The following ERG variants were observed in gnomAD, a reference collection of about 807,000 sequenced individuals.
The protein encoded by ERG is ETS transcription factor ERG.
ERG carries 9 observed loss-of-function variants against 55.3 expected under a neutral mutation model. The observed-to-expected ratio is 0.16, with a 90% CI of 0.10 to 0.28. The LOEUF is 0.28. Ranked by LOEUF, ERG falls within the 10% of genes least tolerant of loss-of-function variation. The pLI is 1.00. For synonymous variants in ERG, 223 were observed against 237.3 expected, an observed-to-expected ratio of 0.94 and a Z score of 0.55; for missense variants, 434 against 631.6, an observed-to-expected ratio of 0.69 and a Z score of 3.35.
intron 6 of ERG, chr21:38,399,882 A>T (rs1988406147): frequency 5.7e-6 from 1 of 176,890 alleles, no homozygotes; most frequent in Admixed American, 5.6e-5. Flanking sequence ...CTGGAGGCAA[A>T]ACATTTCGGT....
intron 1 of ERG, among the ~76,000 whole-genome samples, chr21:38,618,333 G>A (rs898882229): frequency 6.6e-6 from 1 of 152,158 alleles, no homozygotes; most frequent in African/African-American, 2.4e-5. Flanking sequence ...GGAAGATCAG[G>A]ATCATTAACC....
chr21:38,388,194 A>C (rs1401400154), intron 9 of ERG, among the ~76,000 whole-genome samples: 4 of 152,188 alleles, frequency 2.6e-5, no homozygotes, highest in Non-Finnish European at 5.9e-5. Flanking sequence ...AACATAACCC[A>C]CCAAAGCTCT....
intron 2 of ERG, among the ~76,000 whole-genome samples, chr21:38,519,648 G>A (rs11701364): frequency 0.11 from 17,162 of 152,246 alleles, 1,185 homozygotes; most frequent in East Asian, 0.19. Flanking sequence ...GAGAAGGATG[G>A]AGAATGAATT....
At chr21:38,606,694 TAACTG>T (rs2060198820) in intron 1 of ERG, among the ~76,000 whole-genome samples, 1 of 152,086 alleles carries the variant, frequency 6.6e-6, no homozygotes, top group East Asian at 1.9e-4. Flanking sequence ...AGAGCTGAAA[TAACTG>T]AAGACAAATT....
intron 2 of ERG, among the ~76,000 whole-genome samples, chr21:38,514,763 A>G (rs2059539285): frequency 6.6e-6 from 1 of 152,000 alleles, no homozygotes; most frequent in Admixed American, 6.5e-5. Context: ...GAAGGCAAGG[A>G]AATGAAATGC....
At chr21:38,574,557 A>G (rs2059983191) in intron 2 of ERG, among the ~76,000 whole-genome samples, 1 of 152,256 alleles carries the variant, frequency 6.6e-6, no homozygotes, top group South Asian at 2.1e-4. Context: ...ATGTGTGTGT[A>G]TGTGAGCTGC....
In ERG at chr21:38,571,968, A is replaced by G. The variant is rs138942980; in HGVS notation, c.-41+3694T>C. Among the ~76,000 whole-genome samples, 438 of 152,302 alleles carry G rather than the reference A, an allele frequency of 2.9e-3. 2 individuals are homozygous for G. Among genetic ancestry groups the G allele is most frequent in the Middle Eastern group, 6.8e-3 (2 of 294 alleles). On this transcript the variant is annotated intron_variant, in intron 2 of 8. Transcript: ENST00000398897. Reference sequence around the variant, plus strand: ...TGTGGAAAACTCAAGTCCTTCTCAGATAACAAAAACATTTTAGTAGCAATG... The same window carrying G: ...TGTGGAAAACTCAAGTCCTTCTCAGGTAACAAAAACATTTTAGTAGCAATG...
rs771621204 is a variant in ERG, at chr21:38,483,785, C to T, written c.18+14578G>A. Among the ~76,000 whole-genome samples the T allele has an allele frequency of 3.3e-5, 5 of 152,244 alleles. No individual in the cohort carries two copies. In the East Asian group the frequency reaches 5.8e-4, roughly 18 times the overall value. On this transcript the variant is annotated intron_variant, in intron 1 of 9. Coordinates refer to ENST00000288319, the MANE Select transcript of ERG (RefSeq NM_182918.4). ...GGCTGAGGCAGGGGAATCTCTTGAA[C>T]CCCGGGAGAGGGTGGAGGTTGCAGT...
chr21:38,493,534 T>G (rs2059354747), intron 1 of ERG, among the ~76,000 whole-genome samples: 1 of 152,240 alleles, frequency 6.6e-6, no homozygotes, highest in South Asian at 2.1e-4. Context: ...TTTTTATGTT[T>G]ATAATTTATG....
At chr21:38,636,056 C>T (rs1460451174) in intron 1 of ERG, among the ~76,000 whole-genome samples, 2 of 104,570 alleles carry the variant, frequency 1.9e-5, no homozygotes, top group Non-Finnish European at 4.3e-5. Context: ...GGGTGGTACC[C>T]TCTTGCTGTT....
At chr21:38,581,252 G>C (rs1339082706) in intron 1 of ERG, among the ~76,000 whole-genome samples, 1 of 152,198 alleles carries the variant, frequency 6.6e-6, no homozygotes, top group Non-Finnish European at 1.5e-5. Context: ...TATGAGCACA[G>C]TGCAGAGCCA....
chr21:38,446,319 CT>C (rs1176296811), intron 1 of ERG, among the ~76,000 whole-genome samples: 4 of 145,418 alleles, frequency 2.8e-5, no homozygotes, highest in Non-Finnish European at 6.0e-5. Flanking sequence ...CTGACAAGCT[CT>C]TTTTTCCCCT....
At chr21:38,440,611 A>C (rs1296028804) in intron 2 of ERG, among the ~76,000 whole-genome samples, 2 of 151,982 alleles carry the variant, frequency 1.3e-5, no homozygotes, top group South Asian at 2.1e-4. Context: ...ACCTGAGGTA[A>C]GGAGTTCGAG....
chr21:38,411,143 G>C (rs1459628104), intron 3 of ERG, among the ~76,000 whole-genome samples: 1 of 152,052 alleles, frequency 6.6e-6, no homozygotes, highest in Non-Finnish European at 1.5e-5. Context: ...TTTGAGCAAT[G>C]ATTCACTCCA....
intron 2 of ERG, among the ~76,000 whole-genome samples, chr21:38,533,105 TG>T (rs772760343): frequency 3.3e-5 from 5 of 152,198 alleles, no homozygotes; most frequent in Non-Finnish European, 5.9e-5. Context: ...GTACTTTATT[TG>T]CACAAGAATT....
chr21:38,548,050 T>G (rs1412172305), intron 2 of ERG, among the ~76,000 whole-genome samples: 1 of 152,172 alleles, frequency 6.6e-6, no homozygotes, highest in Non-Finnish European at 1.5e-5. Context: ...GATATTTTTC[T>G]CCAAAAAAAA....
chr21:38,520,002 C>A (rs1420103978), intron 2 of ERG, among the ~76,000 whole-genome samples: 4 of 151,084 alleles, frequency 2.6e-5, no homozygotes, highest in Non-Finnish European at 5.9e-5. Flanking sequence ...CACACACACA[C>A]ATACAGACAC....
intron 5 of ERG, among the ~76,000 whole-genome samples, chr21:38,401,876 A>T (rs1461418713): frequency 6.6e-6 from 1 of 152,178 alleles, no homozygotes; most frequent in African/African-American, 2.4e-5. Context: ...ACGGTGTTAA[A>T]CCCTACTTAG....
rs71316641 is a variant in ERG, at chr21:38,389,615, A to G, written c.919+1380T>C. Among the ~76,000 whole-genome samples, 893 of 151,228 alleles carry G rather than the reference A, an allele frequency of 5.9e-3. 9 individuals carry two copies. The highest frequency in any genetic ancestry group is 0.031 in the South Asian group (148 of 4,742). Reference sequence around the variant, plus strand: ...CTGAGCAGAAGGCTGAGAAGAGACCACAGCCTCAGGAGCCTGGGCTACTAG... The same window carrying G: ...CTGAGCAGAAGGCTGAGAAGAGACCGCAGCCTCAGGAGCCTGGGCTACTAG... On this transcript the variant is annotated intron_variant, in intron 9 of 9. Coordinates refer to ENST00000288319, the MANE Select transcript of ERG (RefSeq NM_182918.4).
Sources: allele counts gnomAD v4.1 joint callset (sites outside exome capture counted in the v4.1 genomes callset), GRCh38; gene constraint gnomAD v4.1.1; transcripts MANE v1.5; gene names NCBI Gene and HGNC (gene_info 2026-07-23, HGNC 2026-07-21).